The following SCLT1 variants were observed in gnomAD, a reference collection of about 807,000 sequenced individuals.
The protein encoded by SCLT1 is sodium channel and clathrin linker 1.
A neutral mutation model predicts 112.8 loss-of-function variants in SCLT1; 78 were observed. That is an observed-to-expected ratio of 0.69 (90% CI 0.58 to 0.83). SCLT1 has a LOEUF of 0.83. Among genes scored for constraint, SCLT1 ranks in the 40% least tolerant of loss-of-function variants. The pLI is 0.00. For missense variants in SCLT1, 747 were observed against 770.4 expected, an observed-to-expected ratio of 0.97 and a Z score of 0.36; for synonymous variants, 257 against 254.7, an observed-to-expected ratio of 1.01 and a Z score of -0.09.
At chr4:129,052,696 T>C (rs1230337453) in intron 2 of SCLT1, among the ~76,000 whole-genome samples, 1 of 152,178 alleles carries the variant, frequency 6.6e-6, no homozygotes, top group Non-Finnish European at 1.5e-5. Context: ...GACTTATTAA[T>C]TTTTTGAAGG....
At chr4:128,990,122 C>G (rs2126065965) in intron 9 of SCLT1, among the ~76,000 whole-genome samples, 1 of 151,962 alleles carries the variant, frequency 6.6e-6, no homozygotes, top group East Asian at 1.9e-4. Context: ...ACCCTGCTAC[C>G]AAAACCAGAC....
chr4:128,952,038 G>A (rs140667204), intron 14 of SCLT1, among the ~76,000 whole-genome samples: 2 of 151,864 alleles, frequency 1.3e-5, no homozygotes, highest in African/African-American at 2.4e-5. Flanking sequence ...AAAGGAAGGC[G>A]TAAGACTCTA....
At chr4:129,009,926 G>C (rs1032730226) in intron 5 of SCLT1, among the ~76,000 whole-genome samples, 1 of 152,112 alleles carries the variant, frequency 6.6e-6, no homozygotes, top group Non-Finnish European at 1.5e-5. Flanking sequence ...AGTTTCTTTT[G>C]CTGTGCAGGA....
chr4:129,021,983 C>T (rs1745524851), intron 5 of SCLT1, among the ~76,000 whole-genome samples: 4 of 152,190 alleles, frequency 2.6e-5, no homozygotes, highest in African/African-American at 9.7e-5. Context: ...CTGTTCTGCA[C>T]CCTCCACTAG....
chr4:128,994,246 G>T (rs1342734278), intron 8 of SCLT1, among the ~76,000 whole-genome samples: 6 of 152,080 alleles, frequency 3.9e-5, no homozygotes, highest in Non-Finnish European at 8.8e-5. Context: ...GTCTACTATA[G>T]ATACTTCGTA....
chr4:128,877,018 T>C (rs1251538115), intron 3 of SCLT1, among the ~76,000 whole-genome samples: 1 of 152,238 alleles, frequency 6.6e-6, no homozygotes, highest in Admixed American at 6.5e-5. Context: ...ACTGGTTTCC[T>C]TAACACAAGT....
intron 5 of SCLT1, among the ~76,000 whole-genome samples, chr4:129,009,694 G>A (rs1411273136): frequency 2.0e-5 from 3 of 152,082 alleles, no homozygotes; most frequent in Non-Finnish European, 2.9e-5. Flanking sequence ...TTGTGGTTTT[G>A]ATTTGCATTT....
chr4:128,900,843 C>T (rs979906018), intron 18 of SCLT1, among the ~76,000 whole-genome samples: 3 of 151,920 alleles, frequency 2.0e-5, no homozygotes, highest in Admixed American at 2.0e-4. Flanking sequence ...AAAAAACAAC[C>T]CCATCAAAAA....
At chr4:128,876,820 T>C (rs1213299291) in intron 3 of SCLT1, among the ~76,000 whole-genome samples, 4 of 152,234 alleles carry the variant, frequency 2.6e-5, no homozygotes, top group African/African-American at 4.8e-5. Context: ...TGGAACTCTT[T>C]CTATATCCTG....
chr4:128,953,476 T>C (rs1045421335), intron 13 of SCLT1, among the ~76,000 whole-genome samples: 1 of 152,182 alleles, frequency 6.6e-6, no homozygotes, highest in Non-Finnish European at 1.5e-5. Context: ...TGTGACCTTG[T>C]GGCCTCTCTG....
At position 128,944,680 on chromosome 4, in the gene SCLT1, A is replaced by T. The variant is rs370262817; in HGVS notation, c.1439+1327T>A. ...CAAGAGAAACCCTTTAAATGAAGTA[A>T]CTAAGAAAAAAGTTCATCAAATATA... On this transcript the variant is annotated intron_variant, in intron 16 of 20. Coordinates refer to ENST00000281142, the MANE Select transcript of SCLT1 (RefSeq NM_144643.4). 9.2e-5 allele frequency: 14 copies of T among 152,206 alleles called. No individual in the cohort carries two copies. The East Asian group carries it at 9.6e-4, about 10-fold the overall frequency. 9.4% of individuals were successfully genotyped at this position (152,206 alleles called of 1,614,324 possible).
chr4:129,012,876 C>T (rs946604144), intron 5 of SCLT1, among the ~76,000 whole-genome samples: 4 of 150,898 alleles, frequency 2.7e-5, no homozygotes, highest in African/African-American at 9.7e-5. Context: ...AGTAAATCTT[C>T]CTCCATCCTT....
intron 6 of SCLT1, among the ~76,000 whole-genome samples, chr4:129,000,057 T>C (rs536046008): frequency 1.3e-5 from 2 of 151,904 alleles, no homozygotes; most frequent in African/African-American, 4.8e-5. Context: ...TTAACAGAGA[T>C]GTAGATTTAA....
chr4:129,009,004 T>C (rs1744275983), intron 5 of SCLT1, among the ~76,000 whole-genome samples: 1 of 152,262 alleles, frequency 6.6e-6, no homozygotes. Flanking sequence ...TTGTTCTTTT[T>C]TATGGATGCA....
rs72924103 is a variant in SCLT1, at chr4:128,993,388, T to C, written c.616-1151A>G. On this transcript the variant is annotated intron_variant, in intron 8 of 20. Coordinates refer to ENST00000281142, the MANE Select transcript of SCLT1 (RefSeq NM_144643.4). ...CAGGCACAACTAGTGTTTTATTATA[T>C]ATACTGCCTTGGCACTAGCATAATT... Among the ~76,000 whole-genome samples the C allele has an allele frequency of 4.7e-3, 719 of 152,220 alleles. 4 individuals carry two copies. Among genetic ancestry groups the C allele is most frequent in the African/African-American group, 0.016 (659 of 41,572 alleles).
intron 5 of SCLT1, among the ~76,000 whole-genome samples, chr4:129,011,823 T>C (rs1284326281): frequency 1.3e-5 from 2 of 152,196 alleles, no homozygotes; most frequent in East Asian, 1.9e-4. Flanking sequence ...TTTATGTGCA[T>C]AGAGGTGTTC....
In SCLT1 at chr4:128,963,900, C is replaced by A. The variant is rs1443621525; in HGVS notation, c.869+1327G>T. 3.9e-5 allele frequency among the ~76,000 whole-genome samples: 6 copies of A among 152,174 alleles called. No homozygotes were observed. The East Asian group carries it at 1.2e-3, about 29-fold the overall frequency. Reference sequence around the variant, plus strand: ...TGTCAAATGAAAAGATTTTATTAAACAGATAAATTATTCATTTATAGCAAA... The same window carrying A: ...TGTCAAATGAAAAGATTTTATTAAAAAGATAAATTATTCATTTATAGCAAA... On this transcript the variant is annotated intron_variant, in intron 11 of 20. Transcript: ENST00000281142.
chr4:128,923,614 A>C (rs1227257202), intron 18 of SCLT1, among the ~76,000 whole-genome samples: 4 of 146,536 alleles, frequency 2.7e-5, no homozygotes, highest in African/African-American at 1.0e-4. Context: ...ATATGGGATC[A>C]TACAGTATAT....
intron 9 of SCLT1, among the ~76,000 whole-genome samples, chr4:128,983,928 T>C (rs1741882208): frequency 6.6e-6 from 1 of 152,204 alleles, no homozygotes; most frequent in Non-Finnish European, 1.5e-5. Flanking sequence ...ATGCCCATCA[T>C]TCAGAATCTG....
Sources: allele counts gnomAD v4.1 joint callset (sites outside exome capture counted in the v4.1 genomes callset), GRCh38; gene constraint gnomAD v4.1.1; transcripts MANE v1.5; gene names NCBI Gene and HGNC (gene_info 2026-07-23, HGNC 2026-07-21).